Variants in ZSCAN30 observed in about 807,000 individuals in gnomAD.
ZSCAN30 encodes zinc finger and SCAN domain containing 30.
In ZSCAN30, 37 loss-of-function variants were observed where a neutral mutation model predicts 44.3. The ratio of observed to expected loss-of-function variants is 0.84; its 90% confidence interval spans 0.64 to 1.10. The LOEUF is 1.10. Ranked by LOEUF, ZSCAN30 falls within the 50% of genes least tolerant of loss-of-function variation. The probability of loss-of-function intolerance (pLI) is 0.00; values close to 1 mark genes in which losing one functional copy is unlikely to be tolerated. For missense variants in ZSCAN30, 549 were observed against 582.6 expected, an observed-to-expected ratio of 0.94 and a Z score of 0.59; for synonymous variants, 181 against 204.6, an observed-to-expected ratio of 0.88 and a Z score of 0.98.
At chr18:35,263,242 TAAAAAAA>T (rs71265098) in intron 3 of ZSCAN30, 16 of 277,860 alleles carry the variant, frequency 5.8e-5, no homozygotes, top group South Asian at 1.0e-4. Flanking sequence ...AGACCCCATC[TAAAAAAA>T]AAAAAAAGAA....
chr18:35,289,172 C>T (rs1040008871), intron 1 of ZSCAN30, among the ~76,000 whole-genome samples: 4 of 152,128 alleles, frequency 2.6e-5, no homozygotes, highest in Non-Finnish European at 5.9e-5. Context: ...GACAGGGTTT[C>T]ACCTTGTTGG....
chr18:35,259,683 A>G (rs2143685953), intron 3 of ZSCAN30: 1 of 154,410 alleles, frequency 6.5e-6, no homozygotes, highest in East Asian at 1.9e-4. Flanking sequence ...GCTTCAACAT[A>G]TGAATTTTGA....
chr18:35,276,131 T>C (rs2044362801), intron 1 of ZSCAN30, among the ~76,000 whole-genome samples: 1 of 152,222 alleles, frequency 6.6e-6, no homozygotes, highest in African/African-American at 2.4e-5. Context: ...TTGACTGATT[T>C]GGATATCAAA....
rs536005380 is a variant in ZSCAN30 at position 35,270,627 on chromosome 18, C to T, written c.-103-6172G>A. 3.9e-5 allele frequency among the ~76,000 whole-genome samples: 6 copies of T among 152,260 alleles called. No individual in the cohort carries two copies. The East Asian group carries it at 1.2e-3, about 29-fold the overall frequency. On this transcript the variant is annotated intron_variant, in intron 1 of 3. Transcript: ENST00000333206. ...ACAGGGTCTCACTCTCTTGCCTAGA[C>T]TGGAGTGGAGTGGCACCATCTCAGC...
At chr18:35,276,028 A>G (rs2044361069) in intron 1 of ZSCAN30, among the ~76,000 whole-genome samples, 1 of 152,228 alleles carries the variant, frequency 6.6e-6, no homozygotes, top group Non-Finnish European at 1.5e-5. Flanking sequence ...TCGTAGTAGA[A>G]AATCCTTTTT....
chr18:35,278,541 T>C (rs1021137697), intron 1 of ZSCAN30, among the ~76,000 whole-genome samples: 1 of 152,226 alleles, frequency 6.6e-6, no homozygotes, highest in African/African-American at 2.4e-5. Flanking sequence ...GCTGAAATAG[T>C]TAATTGGATC....
intron 3 of ZSCAN30, chr18:35,262,589 T>C (rs777276507): frequency 3.3e-5 from 5 of 152,256 alleles, no homozygotes; most frequent in Non-Finnish European, 7.3e-5. Context: ...CTGTAGCACA[T>C]GGGACACCCA....
Position 35,259,680 on chromosome 18 carries a change from CAT to C in ZSCAN30, c.553+3831_553+3832del, listed in dbSNP as rs1264505551. On this transcript the variant is annotated intron_variant, in intron 3 of 3. Coordinates refer to ENST00000333206, the MANE Select transcript of ZSCAN30 (RefSeq NM_001112734.4). ...TTCTGGCTGGGGGTTACAGCTTCAA[CAT>C]ATGAATTTTGAAGGGACACAACTCA... 6 of 154,266 alleles carry C rather than the reference CAT, an allele frequency of 3.9e-5. No individual in the cohort carries two copies. The East Asian group carries it at 9.6e-4, about 25-fold the overall frequency. 9.6% of individuals were successfully genotyped at this position (154,266 alleles called of 1,614,324 possible). A position where few individuals can be genotyped will look rare whatever the true frequency, so the allele number is the denominator to read the frequency against.
chr18:35,266,252 T>C (rs10432174), intron 1 of ZSCAN30, among the ~76,000 whole-genome samples: 10,916 of 151,864 alleles, frequency 0.072, 670 homozygotes, highest in East Asian at 0.24. Flanking sequence ...GTCTGAGAGG[T>C]TGAACTACAG....
At position 35,253,975 on chromosome 18, in the gene ZSCAN30, C is replaced by T. The variant is rs763109614; in HGVS notation, c.960G>A (p.Gln320=). ...AAGGTCTCTCTCCAGTATGAATTCTCTGATGTCTAATCAGCTTTGAGCTCT... is the reference window on the plus strand; with the variant it reads ...AAGGTCTCTCTCCAGTATGAATTCTTTGATGTCTAATCAGCTTTGAGCTCT... ...FCQSSKLIRH[Q]RIHTGERPYA... is the part of the protein sequence containing the mutation. The change falls in exon 4 of 4, where the codon CAG becomes CAA. Residue 320 remains glutamine (Q), a synonymous_variant. Transcript: ENST00000333206. 1 of 1,614,206 alleles carries T rather than the reference C, an allele frequency of 6.2e-7. No homozygotes were observed. Among genetic ancestry groups the T allele is most frequent in the Non-Finnish European group, 8.5e-7 (1 of 1,180,020 alleles).
chr18:35,271,716 G>C (rs568676239), intron 1 of ZSCAN30, among the ~76,000 whole-genome samples: 3 of 152,234 alleles, frequency 2.0e-5, no homozygotes, highest in Admixed American at 6.5e-5. Context: ...GGCACCCGCC[G>C]GGGAGGCTCC....
intron 1 of ZSCAN30, among the ~76,000 whole-genome samples, chr18:35,287,402 T>C (rs1023029218): frequency 6.6e-6 from 1 of 152,056 alleles, no homozygotes. Flanking sequence ...TCAAGCCTTA[T>C]TATAAAGCTA....
intron 3 of ZSCAN30, chr18:35,258,027 C>G: frequency 1.3e-6 from 1 of 780,044 alleles, no homozygotes; most frequent in South Asian, 1.3e-5. Flanking sequence ...AGTGAAGCAC[C>G]TACAAGAAAC....
At chr18:35,259,428 C>T (rs2043959537) in intron 3 of ZSCAN30, among the ~76,000 whole-genome samples, 1 of 152,164 alleles carries the variant, frequency 6.6e-6, no homozygotes, top group Non-Finnish European at 1.5e-5. Context: ...AATCTGCCTG[C>T]CTCAACCTCT....
chr18:35,271,998 C>T (rs1434112668), intron 1 of ZSCAN30, among the ~76,000 whole-genome samples: 1 of 152,202 alleles, frequency 6.6e-6, no homozygotes, highest in East Asian at 1.9e-4. Context: ...GGTTCCCGCC[C>T]ACGCCTCTCT....
Position 35,262,391 on chromosome 18 carries a change from A to T in ZSCAN30, c.553+1122T>A, listed in dbSNP as rs117172655. 1,338 of 152,322 alleles carry T rather than the reference A, an allele frequency of 8.8e-3. 10 individuals are homozygous for T. Among genetic ancestry groups the T allele is most frequent in the Non-Finnish European group, 0.015 (1,024 of 68,028 alleles). 9.4% of individuals were successfully genotyped at this position (152,322 alleles called of 1,614,324 possible). The stretch of plus-strand genomic sequence containing the variant: ...ACATAATCAAAGTCCTTTCAGTTCT[A>T]ATCCCTGGCATCTGTGACAGCTATC... On this transcript the variant is annotated intron_variant, in intron 3 of 3. Transcript: ENST00000333206.
At position 35,280,275 on chromosome 18, in the gene ZSCAN30, CAA is replaced by C. The variant is rs34002141; in HGVS notation, c.-104+9807_-104+9808del. 4.1e-3 allele frequency among the ~76,000 whole-genome samples: 507 copies of C among 122,366 alleles called. 1 individual carries two copies. The highest frequency in any genetic ancestry group is 8.6e-3 in the Admixed American group (107 of 12,424). The allele number at this position is 122,366 out of a possible 152,430, so 80.3% of individuals were successfully genotyped here. ...TGGGTGACACAGTGATACTTTGTCT[CAA>C]AAAAAAAAAAAAAATAGAGAGGAGA... On this transcript the variant is annotated intron_variant, in intron 1 of 3. Coordinates refer to ENST00000333206, the MANE Select transcript of ZSCAN30 (RefSeq NM_001112734.4).
intron 3 of ZSCAN30, 164 bp from the exon 4 acceptor site, chr18:35,254,545 C>T (rs1489672458): frequency 7.9e-7 from 1 of 1,261,264 alleles, no homozygotes; most frequent in Non-Finnish European, 1.1e-6. Flanking sequence ...CTGGGGTAGC[C>T]AAATATGGCC....
intron 1 of ZSCAN30, chr18:35,289,362 T>C (rs1314368254): frequency 6.6e-6 from 1 of 152,198 alleles, no homozygotes; most frequent in Admixed American, 6.5e-5. Flanking sequence ...CTTACGGTTA[T>C]ATTAAGGGCT....
Sources: allele counts gnomAD v4.1 joint callset (sites outside exome capture counted in the v4.1 genomes callset), GRCh38; gene constraint gnomAD v4.1.1; transcripts MANE v1.5; gene names NCBI Gene and HGNC (gene_info 2026-07-23, HGNC 2026-07-21).